The following PHACTR2 variants were observed in gnomAD, a reference collection of about 807,000 sequenced individuals.
The protein encoded by PHACTR2 is phosphatase and actin regulator 2, also known as chromosome 6 open reading frame 56.
In PHACTR2, 30 loss-of-function variants were observed where a neutral mutation model predicts 76.0. The ratio of observed to expected loss-of-function variants is 0.39; its 90% CI spans 0.30 to 0.54. The LOEUF is 0.54. Among genes scored for constraint, PHACTR2 ranks in the 20% least tolerant of loss-of-function variants. PHACTR2 has a pLI of 0.61. For synonymous variants in PHACTR2, 292 were observed against 292.5 expected, an observed-to-expected ratio of 1.00 and a Z score of 0.02; for missense variants, 696 against 781.1, an observed-to-expected ratio of 0.89 and a Z score of 1.30.
intron 2 of PHACTR2, among the ~76,000 whole-genome samples, chr6:143,726,002 A>G (rs1260165098): frequency 1.3e-5 from 2 of 152,230 alleles, no homozygotes; most frequent in Admixed American, 6.5e-5. Flanking sequence ...GTTTATCCAT[A>G]CATGAAAGAC....
chr6:143,612,798 CTCAT>C (rs1363249091), intron 1 of PHACTR2, among the ~76,000 whole-genome samples: 11 of 142,228 alleles, frequency 7.7e-5, no homozygotes, highest in Non-Finnish European at 1.4e-4. Context: ...AAAAAAGAAA[CTCAT>C]TCTTATCCTC....
At chr6:143,773,381 G>C (rs1775198221) in intron 7 of PHACTR2, among the ~76,000 whole-genome samples, 1 of 152,070 alleles carries the variant, frequency 6.6e-6, no homozygotes. Flanking sequence ...ATAACTTAGA[G>C]ATATGGAAAG....
intron 1 of PHACTR2, among the ~76,000 whole-genome samples, chr6:143,686,131 C>CAAA (rs555725210): frequency 1.9e-5 from 2 of 105,066 alleles, no homozygotes; most frequent in Admixed American, 1.0e-4. Flanking sequence ...GATTCTGTCT[C>CAAA]AAAAAAAAAA....
chr6:143,719,791 G>T (rs904863516), intron 2 of PHACTR2, among the ~76,000 whole-genome samples: 1 of 147,312 alleles, frequency 6.8e-6, no homozygotes, highest in African/African-American at 2.5e-5. Flanking sequence ...TCCACAGAGG[G>T]CTTCTTGCTT....
At chr6:143,746,972 G>T (rs1394931401) in intron 2 of PHACTR2, among the ~76,000 whole-genome samples, 1 of 152,190 alleles carries the variant, frequency 6.6e-6, no homozygotes, top group African/African-American at 2.4e-5. Flanking sequence ...AGGGAGGGAA[G>T]CCTTCTGTGT....
intron 1 of PHACTR2, among the ~76,000 whole-genome samples, chr6:143,594,307 T>G (rs951281501): frequency 6.6e-6 from 1 of 152,222 alleles, no homozygotes; most frequent in African/African-American, 2.4e-5. Flanking sequence ...GTACTATGAA[T>G]GAAAACCATT....
rs1317772307 is a variant in PHACTR2 at position 143,794,985 on chromosome 6, A to T, written c.1845+6075A>T. Among the ~76,000 whole-genome samples the T allele has an allele frequency of 6.6e-6, 1 of 152,194 alleles. No homozygotes were observed. Among genetic ancestry groups the T allele is most frequent in the Admixed American group, 6.5e-5 (1 of 15,284 alleles). ...ATGCCTCTCCTTTCTGTGAAGGAGG[A>T]AGGCCCTTGCTGGTTGTGGTGGGGA... On this transcript the variant is annotated intron_variant, in intron 11 of 12. Coordinates refer to ENST00000440869, the MANE Select transcript of PHACTR2 (RefSeq NM_001100164.2). The surrounding 1 kb of genome is among the most constrained non-coding windows in gnomAD (Gnocchi z 4.1).
At chr6:143,682,446 C>T (rs115525732) in intron 1 of PHACTR2, among the ~76,000 whole-genome samples, 1 of 152,120 alleles carries the variant, frequency 6.6e-6, no homozygotes, top group African/African-American at 2.4e-5. Flanking sequence ...AATTCGAGAT[C>T]TCAAGAGATC....
intron 4 of PHACTR2, among the ~76,000 whole-genome samples, chr6:143,756,491 C>T (rs77413454): frequency 2.6e-5 from 4 of 151,084 alleles, no homozygotes; most frequent in Admixed American, 6.6e-5. Flanking sequence ...GTCAGGAGAT[C>T]GAGACCATCC....
At chr6:143,587,471 A>G (rs1395286054) in intron 1 of PHACTR2, among the ~76,000 whole-genome samples, 1 of 152,182 alleles carries the variant, frequency 6.6e-6, no homozygotes, top group Non-Finnish European at 1.5e-5. Flanking sequence ...TAATAATAAT[A>G]AAAGCAAGAT....
rs550612984 is a variant in PHACTR2 at position 143,830,900 on chromosome 6, A to G, written c.*7211A>G. The G allele has an allele frequency of 7.2e-5, 11 of 152,236 alleles. No homozygotes were observed. Among genetic ancestry groups the G allele is most frequent in the Non-Finnish European group, 1.6e-4 (11 of 68,034 alleles). 9.4% of individuals were successfully genotyped at this position (152,236 alleles called of 1,614,324 possible). On this transcript the variant is annotated 3_prime_UTR_variant, in exon 13 of 13. Coordinates refer to ENST00000440869, the MANE Select transcript of PHACTR2 (RefSeq NM_001100164.2). ...CTTTTTAAATGAAAAAAGAAAAAAG[A>G]GTAAGACAACTTCCCTAATTGCCTG...
Position 143,647,510 on chromosome 6 carries a change from C to T in PHACTR2, c.13+39188C>T, listed in dbSNP as rs986092559. On this transcript the variant is annotated intron_variant, in intron 1 of 11. Coordinates refer to the PHACTR2 transcript ENST00000305766. The surrounding 1 kb of genome is among the most constrained non-coding windows in gnomAD (Gnocchi z 4.2). ...AGAGGACAGCCTAGGTCGTTGCCCT[C>T]ATGGGCTTGCATTCCATTGAGACAG... 1.3e-5 allele frequency among the ~76,000 whole-genome samples: 2 copies of T among 152,232 alleles called. No homozygotes were observed. The highest frequency in any genetic ancestry group is 1.9e-4 in the East Asian group (1 of 5,202).
chr6:143,545,555 G>A (rs1774978418), intron 1 of PHACTR2, among the ~76,000 whole-genome samples: 1 of 152,198 alleles, frequency 6.6e-6, no homozygotes, highest in African/African-American at 2.4e-5. Context: ...AGAGAACAGT[G>A]TATCAGCTCC....
chr6:143,600,305 G>A (rs939525781), intron 1 of PHACTR2, among the ~76,000 whole-genome samples: 1 of 152,214 alleles, frequency 6.6e-6, no homozygotes, highest in African/African-American at 2.4e-5. Context: ...TCCATAAGCA[G>A]CTGTAACTGC....
chr6:143,779,135 A>G (rs936466801), intron 9 of PHACTR2, among the ~76,000 whole-genome samples: 6 of 152,172 alleles, frequency 3.9e-5, no homozygotes, highest in African/African-American at 1.4e-4. Flanking sequence ...GGCAGAAGAA[A>G]ACTGGGAGAG....
rs530405786 is a variant in PHACTR2 at position 143,783,753 on chromosome 6, T to C, written c.1707+473T>C. Among the ~76,000 whole-genome samples the C allele has an allele frequency of 5.5e-4, 84 of 152,368 alleles. No individual in the cohort carries two copies. Among genetic ancestry groups the C allele is most frequent in the African/African-American group, 2.0e-3 (83 of 41,594 alleles). Reference sequence around the variant, plus strand: ...GTTGCATTTACTCCATGAAAGTATGTACTCTGTGTGAAAATTTTTAAAGAC... The same window carrying C: ...GTTGCATTTACTCCATGAAAGTATGCACTCTGTGTGAAAATTTTTAAAGAC... On this transcript the variant is annotated intron_variant, in intron 10 of 12. Coordinates refer to ENST00000440869, the MANE Select transcript of PHACTR2 (RefSeq NM_001100164.2). This position sits in a 1 kb window ranked among gnomAD's most constrained non-coding sequence, Gnocchi z 5.2.
At chr6:143,779,926 T>TATATTATATC (rs1335788662) in intron 9 of PHACTR2, among the ~76,000 whole-genome samples, 11 of 147,198 alleles carry the variant, frequency 7.5e-5, no homozygotes, top group African/African-American at 2.7e-4. Context: ...TATATTATAT[T>TATATTATATC]ATATTATATT....
At chr6:143,724,345 G>C (rs1372302096) in intron 2 of PHACTR2, among the ~76,000 whole-genome samples, 4 of 151,942 alleles carry the variant, frequency 2.6e-5, no homozygotes, top group Non-Finnish European at 5.9e-5. Flanking sequence ...TGTTAGCCAG[G>C]ATGGTCTCGA....
rs908155704 is a variant in PHACTR2, at chr6:143,818,776, A to C, written c.1923-4898A>C. 4.6e-5 allele frequency among the ~76,000 whole-genome samples: 7 copies of C among 152,192 alleles called. No individual in the cohort carries two copies. The highest frequency in any genetic ancestry group is 1.7e-4 in the African/African-American group (7 of 41,440). ...ATGGGGGAAACCACTCGCCTGATTC[A>C]ATTACCTCCCACCAGGTCCCTCCCA... On this transcript the variant is annotated intron_variant, in intron 12 of 12. Transcript: ENST00000440869. The surrounding 1 kb of genome is among the most constrained non-coding windows in gnomAD (Gnocchi z 4.9).
Sources: allele counts gnomAD v4.1 joint callset (sites outside exome capture counted in the v4.1 genomes callset), GRCh38; gene constraint gnomAD v4.1.1; non-coding constraint Gnocchi (gnomAD v3.1); transcripts MANE v1.5; gene names NCBI Gene and HGNC (gene_info 2026-07-23, HGNC 2026-07-21).